The following FAM118A variants were observed in gnomAD, a reference collection of about 807,000 sequenced individuals.
FAM118A encodes the protein SIR2 antiphage like 2.
In FAM118A, 25 loss-of-function variants were observed where a neutral mutation model predicts 38.2. That is an observed-to-expected ratio of 0.65 (90% CI 0.48 to 0.91). The LOEUF (loss-of-function observed/expected upper bound fraction) is 0.91. FAM118A is among the 40% of genes least tolerant of loss of function. The probability of loss-of-function intolerance (pLI) is 0.00; values close to 1 mark genes in which losing one functional copy is unlikely to be tolerated. For synonymous variants in FAM118A, 178 were observed against 184.1 expected, an observed-to-expected ratio of 0.97 and a Z score of 0.27; for missense variants, 425 against 463.3, an observed-to-expected ratio of 0.92 and a Z score of 0.76.
intron 7 of FAM118A, among the ~76,000 whole-genome samples, chr22:45,335,950 G>A (rs904299734): frequency 1.3e-5 from 2 of 152,206 alleles, no homozygotes; most frequent in Non-Finnish European, 2.9e-5. Context: ...TGAGTGGCGC[G>A]GAGGCCTCTG....
intron 3 of FAM118A, among the ~76,000 whole-genome samples, chr22:45,324,241 A>G (rs2085090420): frequency 6.6e-6 from 1 of 152,228 alleles, no homozygotes; most frequent in African/African-American, 2.4e-5. Flanking sequence ...GCACCTTTAT[A>G]ATCCCCACCT....
intron 1 of FAM118A, chr22:45,322,152 A>G (rs749259800): frequency 1.1e-5 from 17 of 1,488,740 alleles, no homozygotes; most frequent in Non-Finnish European, 1.4e-5. Context: ...TAGAACAGCG[A>G]GAGTCCAACC....
intron 6 of FAM118A, among the ~76,000 whole-genome samples, chr22:45,334,537 T>C (rs2085951144): frequency 1.3e-5 from 2 of 152,222 alleles, no homozygotes; most frequent in African/African-American, 2.4e-5. Flanking sequence ...CAGCTTCTTA[T>C]TAAGGGCAGA....
chr22:45,323,922 C>G (rs986675491), intron 3 of FAM118A, among the ~76,000 whole-genome samples: 1 of 152,168 alleles, frequency 6.6e-6, no homozygotes, highest in South Asian at 2.1e-4. Context: ...TGAGCGAGGC[C>G]CTGGGGCCGA....
chr22:45,312,723 G>A (rs115746510), intron 1 of FAM118A, among the ~76,000 whole-genome samples: 60 of 152,260 alleles, frequency 3.9e-4, no homozygotes, highest in African/African-American at 1.4e-3. Context: ...CAGGTTTACT[G>A]GTTTGTTATG....
In FAM118A at chr22:45,322,490, G is replaced by A. The variant is rs1186008206; in HGVS notation, c.47+64G>A. 8 of 1,395,738 alleles carry A rather than the reference G, an allele frequency of 5.7e-6. No individual in the cohort carries two copies. In the South Asian group the frequency reaches 6.3e-5, roughly 11 times the overall value. 86.5% of individuals were successfully genotyped at this position (1,395,738 alleles called of 1,614,324 possible). Reference sequence around the variant, plus strand: ...ACTTCATCTAGCGTCTCTCGTGAGTGTGCGCACTCGTTCTTTAGTACCTGC... The same window carrying A: ...ACTTCATCTAGCGTCTCTCGTGAGTATGCGCACTCGTTCTTTAGTACCTGC... On this transcript the variant is annotated intron_variant, in intron 2 of 8. Coordinates refer to ENST00000441876, the MANE Select transcript of FAM118A (RefSeq NM_017911.4).
intron 1 of FAM118A, among the ~76,000 whole-genome samples, chr22:45,314,612 C>T (rs990501092): frequency 6.6e-6 from 1 of 152,202 alleles, no homozygotes; most frequent in African/African-American, 2.4e-5. Flanking sequence ...AGATCCTGCC[C>T]GCTCTGAAAT....
rs563220183 is a variant in FAM118A, at chr22:45,315,977, C to T, written c.-10+5794C>T. Among the ~76,000 whole-genome samples, 33 of 152,276 alleles carry T rather than the reference C, an allele frequency of 2.2e-4. No individual in the cohort carries two copies. In the South Asian group the frequency reaches 2.3e-3, roughly 11 times the overall value. ...CTCACCAGAAACCTATCAGCTGGAT[C>T]GCAGATGGTTCATTTGTGGTTAGAA... On this transcript the variant is annotated intron_variant, in intron 1 of 8. Coordinates refer to ENST00000441876, the MANE Select transcript of FAM118A (RefSeq NM_017911.4).
intron 1 of FAM118A, among the ~76,000 whole-genome samples, chr22:45,310,412 G>A (rs2084311061): frequency 6.6e-6 from 1 of 151,664 alleles, no homozygotes; most frequent in South Asian, 2.1e-4. Context: ...GACCCCGGCC[G>A]CTAGTGGGCC....
At chr22:45,318,279 G>A (rs975322880) in intron 1 of FAM118A, 1 of 152,152 alleles carries the variant, frequency 6.6e-6, no homozygotes, top group African/African-American at 2.4e-5. Context: ...GCCAGATTTT[G>A]CTTTCAGAAA....
intron 8 of FAM118A, 119 bp downstream of exon 8, chr22:45,336,530 G>A (rs2086109554): frequency 8.4e-6 from 6 of 716,748 alleles, no homozygotes; most frequent in South Asian, 5.3e-5. Context: ...CGGTGCATAC[G>A]TTCTGTCAGG....
chr22:45,318,612 G>A (rs1490036779), intron 1 of FAM118A: 1 of 152,200 alleles, frequency 6.6e-6, no homozygotes, highest in African/African-American at 2.4e-5. Context: ...TGACTCTGAT[G>A]TTTAGGCTGC....
chr22:45,323,537 G>T, intron 3 of FAM118A, 110 bp downstream of exon 3: 1 of 1,377,952 alleles, frequency 7.3e-7, no homozygotes, highest in Non-Finnish European at 9.8e-7. Flanking sequence ...TCAGTGCTCA[G>T]CAGAGTCGGG....
chr22:45,314,190 G>T (rs1237776070), intron 1 of FAM118A, among the ~76,000 whole-genome samples: 1 of 152,164 alleles, frequency 6.6e-6, no homozygotes, highest in Non-Finnish European at 1.5e-5. Context: ...GTTCCTCCAT[G>T]TGGCCCTCCT....
intron 3 of FAM118A, among the ~76,000 whole-genome samples, chr22:45,327,591 TG>T (rs1280460481): frequency 6.6e-6 from 1 of 152,172 alleles, no homozygotes; most frequent in African/African-American, 2.4e-5. Context: ...CCTAGTGTCT[TG>T]GTCCTGTCCA....
intron 1 of FAM118A, among the ~76,000 whole-genome samples, chr22:45,314,046 G>A (rs1176703631): frequency 6.6e-6 from 1 of 152,036 alleles, no homozygotes; most frequent in East Asian, 1.9e-4. Flanking sequence ...ATGAGTCCTT[G>A]CCCAGGTAGT....
Position 45,330,695 on chromosome 22 carries a change from G to A in FAM118A, c.615G>A (p.Ser205=), listed in dbSNP as rs761646667. The A allele has an allele frequency of 2.7e-5, 43 of 1,589,066 alleles. No individual in the cohort carries two copies. In the East Asian group the frequency reaches 8.5e-4, roughly 31 times the overall value. ...CCTGCGGGGTGGTGCTGGACCCATC[G>A]GGGTATAAAGACGTCACTCAAGACG... ...TDPCGVVLDP[S]GYKDVTQDAE... Residue 205 remains serine (S), a synonymous_variant, in exon 5 of 9, where the codon TCG becomes TCA. Transcript: ENST00000441876.
intron 6 of FAM118A, 41 bp downstream of exon 6, chr22:45,332,751 C>CTT (rs58672588): frequency 0.28 from 362,076 of 1,286,138 alleles, 22,313 homozygotes; most frequent in African/African-American, 0.67. Flanking sequence ...TTTCTTTTTT[C>CTT]TTTTTTTTTT....
rs867956143 is a variant in FAM118A at position 45,341,665 on chromosome 22, G to C, written c.*1260G>C. 6.6e-6 allele frequency: 1 copy of C among 152,218 alleles called. No individual in the cohort carries two copies. Among genetic ancestry groups the C allele is most frequent in the Admixed American group, 6.5e-5 (1 of 15,290 alleles). The allele number at this position is 152,218 out of a possible 1,614,324, so 9.4% of individuals were successfully genotyped here. On this transcript the variant is annotated 3_prime_UTR_variant, in exon 9 of 9. Coordinates refer to ENST00000441876, the MANE Select transcript of FAM118A (RefSeq NM_017911.4). ...CTTCTCTGACTGTGACCCGGCAGAG[G>C]CTTCTGTGGCGGTGCATGAGCGGCC...
Sources: allele counts gnomAD v4.1 joint callset (sites outside exome capture counted in the v4.1 genomes callset), GRCh38; gene constraint gnomAD v4.1.1; transcripts MANE v1.5; gene names NCBI Gene and HGNC (gene_info 2026-07-23, HGNC 2026-07-21).